Variants in ZBTB37 observed in about 807,000 individuals in gnomAD.
The protein encoded by ZBTB37 is zinc finger and BTB domain-containing protein 37.
Under a neutral mutation model 37.7 loss-of-function variants are expected in ZBTB37, and 15 were observed. The ratio of observed to expected loss-of-function variants is 0.40; its 90% confidence interval spans 0.27 to 0.61. The LOEUF (loss-of-function observed/expected upper bound fraction) is 0.61. Among genes scored for constraint, ZBTB37 ranks in the 20% least tolerant of loss-of-function variants. The probability of loss-of-function intolerance (pLI) is 0.44; values close to 1 mark genes in which losing one functional copy is unlikely to be tolerated. For synonymous variants in ZBTB37, 231 were observed against 220.6 expected (o/e 1.05, Z -0.42); for missense variants, 514 against 641.9 (o/e 0.80, Z 2.15).
At chr1:173,887,282 C>A (rs1656662763), downstream of ZBTB37, 1 of 152,142 alleles carries the variant, frequency 6.6e-6, no homozygotes, top group Non-Finnish European at 1.5e-5. Context: ...TATAGAAGGA[C>A]CTCACTTAAA....
intron 4 of ZBTB37, among the ~76,000 whole-genome samples, chr1:173,883,174 T>C (rs1656429702): frequency 1.3e-5 from 2 of 152,196 alleles, no homozygotes; most frequent in African/African-American, 4.8e-5. Flanking sequence ...GTTACCATTG[T>C]ATTTAGAAAA....
exon 4 of ZBTB37, chr1:173,898,429 C>G (rs1470917141): frequency 1.3e-5 from 2 of 150,860 alleles, no homozygotes; most frequent in African/African-American, 4.9e-5. Context: ...CGGTTGCACT[C>G]CAGCCTGAGC....
chr1:173,869,297 C>T (rs1655325736), intron 2 of ZBTB37, among the ~76,000 whole-genome samples, 177 bp downstream of exon 2: 2 of 152,166 alleles, frequency 1.3e-5, no homozygotes, highest in Non-Finnish European at 1.5e-5. Context: ...AAGTAAATGT[C>T]TTCCTGTTCG....
exon 4 of ZBTB37, chr1:173,899,307 T>A (rs1657170088): frequency 6.6e-6 from 1 of 152,212 alleles, no homozygotes; most frequent in Non-Finnish European, 1.5e-5. Flanking sequence ...TTATCTTTTG[T>A]TTGTGCCCAG....
At chr1:173,878,624 T>C (rs774834893) in intron 4 of ZBTB37, among the ~76,000 whole-genome samples, 4 of 152,142 alleles carry the variant, frequency 2.6e-5, no homozygotes, top group African/African-American at 4.8e-5. Flanking sequence ...GTACAGACTT[T>C]CCTACCCTCC....
rs915021770 is a variant in ZBTB37, at chr1:173,882,531, T to C, written c.1024-3105T>C. Among the ~76,000 whole-genome samples, 25 of 152,194 alleles carry C rather than the reference T, an allele frequency of 1.6e-4. 1 individual carries two copies. The highest frequency in any genetic ancestry group is 2.5e-4 in the Non-Finnish European group (17 of 67,986). On this transcript the variant is annotated intron_variant, in intron 4 of 4. Coordinates refer to ENST00000427304, the Ensembl canonical transcript of ZBTB37. ...CTAGGATTACAGGCATGAGCCACTG[T>C]GCCCAGCCCTGATGGTAGTTTCTTT... is the stretch of plus-strand genomic sequence containing the variant.
exon 4 of ZBTB37, chr1:173,895,443 T>C (rs1572078175): frequency 6.6e-6 from 1 of 152,152 alleles, no homozygotes; most frequent in Non-Finnish European, 1.5e-5. Flanking sequence ...CTTGGAGATA[T>C]CAGTTGTATT....
chr1:173,871,868 A>G (rs1395646093), intron 3 of ZBTB37, among the ~76,000 whole-genome samples: 2 of 152,196 alleles, frequency 1.3e-5, no homozygotes, highest in South Asian at 2.1e-4. Context: ...GTTTCAGTCA[A>G]TTGAGAGAAA....
At chr1:173,885,893 G>T in exon 5 of ZBTB37, 1 of 1,551,860 alleles carries the variant, frequency 6.4e-7, no homozygotes, top group Non-Finnish European at 8.7e-7. Context: ...CAGGCAACAA[G>T]CCCTTTCACT....
At position 173,883,270 on chromosome 1, in the gene ZBTB37, G is replaced by A. The variant is rs112762692; in HGVS notation, c.1024-2366G>A. Among the ~76,000 whole-genome samples, 272 of 152,298 alleles carry A rather than the reference G, an allele frequency of 1.8e-3. 1 individual carries two copies. Among genetic ancestry groups the A allele is most frequent in the African/African-American group, 6.2e-3 (258 of 41,570 alleles). ...AAGGCGGGCAGATCACCTGAGGTCG[G>A]GAGTTCGAGATCAGCCTGACCAACA... On this transcript the variant is annotated intron_variant, in intron 4 of 4. Coordinates refer to ENST00000427304, the Ensembl canonical transcript of ZBTB37.
chr1:173,870,511 C>G, exon 3 of ZBTB37: 6 of 1,614,232 alleles, frequency 3.7e-6, no homozygotes, highest in Non-Finnish European at 5.1e-6. Flanking sequence ...ATGCCTGCAA[C>G]TGGCAGATAT....
At chr1:173,888,598 TA>T (rs57343891), downstream of ZBTB37, 24,575 of 151,758 alleles carry the variant, frequency 0.16, 2,566 homozygotes, top group East Asian at 0.31. Flanking sequence ...AGCTAATTTT[TA>T]AATTTTTTTG....
chr1:173,894,332 T>C (rs1411503209), exon 4 of ZBTB37: 3 of 152,182 alleles, frequency 2.0e-5, no homozygotes, highest in Non-Finnish European at 4.4e-5. Flanking sequence ...AGGAAGGGCT[T>C]GTCTGGGCAA....
At chr1:173,879,064 C>T (rs905298254) in intron 4 of ZBTB37, among the ~76,000 whole-genome samples, 4 of 150,638 alleles carry the variant, frequency 2.7e-5, no homozygotes, top group African/African-American at 9.8e-5. Context: ...GCCCTCCAGC[C>T]CGGGGAACAA....
chr1:173,873,365 C>G, intron 3 of ZBTB37, 102 bp from the exon 4 acceptor site: 1 of 1,235,142 alleles, frequency 8.1e-7, no homozygotes, highest in Non-Finnish European at 1.1e-6. Context: ...TTGGTTTGTT[C>G]CCCCTTCCTC....
exon 4 of ZBTB37, chr1:173,898,461 C>CA (rs1215063050): frequency 0.14 from 12,768 of 90,188 alleles, 795 homozygotes; most frequent in East Asian, 0.39. Flanking sequence ...GACTCCATCT[C>CA]AAAAAAAAAA....
At chr1:173,873,751 A>C in intron 4 of ZBTB37, 185 bp downstream of exon 4, 1 of 1,034,474 alleles carries the variant, frequency 9.7e-7, no homozygotes. Flanking sequence ...ACATCACCAG[A>C]AAGGAAAATT....
intron 4 of ZBTB37, among the ~76,000 whole-genome samples, chr1:173,884,675 T>C (rs1656523129): frequency 6.8e-6 from 1 of 146,572 alleles, no homozygotes; most frequent in South Asian, 2.1e-4. Context: ...TTTATAAAGC[T>C]AGCTACTGCT....
chr1:173,900,907 GT>G (rs1557898667), exon 4 of ZBTB37: 1 of 152,228 alleles, frequency 6.6e-6, no homozygotes, highest in Non-Finnish European at 1.5e-5. Context: ...ACCTTGTGGA[GT>G]ACTGTGAAAC....
Sources: gnomAD v4.1 joint callset for allele counts (sites outside exome capture counted in the v4.1 genomes callset) on GRCh38, gnomAD v4.1.1 for gene constraint, MANE v1.5 for transcripts, NCBI Gene and HGNC (gene_info 2026-07-23, HGNC 2026-07-21) for gene names.